Variants in ANKRD44 observed in about 807,000 individuals in gnomAD.
ANKRD44 encodes the protein serine/threonine-protein phosphatase 6 regulatory ankyrin repeat subunit B.
Under a neutral mutation model 116.0 loss-of-function variants are expected in ANKRD44, and 35 were observed. That is an observed-to-expected ratio of 0.30 (90% CI 0.23 to 0.40). ANKRD44 has a LOEUF of 0.40. Among genes scored for constraint, ANKRD44 ranks in the 10% least tolerant of loss-of-function variants. The pLI, the probability that ANKRD44 is intolerant of heterozygous loss-of-function variation, is 1.00. For synonymous variants in ANKRD44, 435 were observed against 461.8 expected (o/e 0.94, Z 0.74); for missense variants, 1,014 against 1,242.6 (o/e 0.82, Z 2.77).
At chr2:197,080,322 A>G (rs937263688) in intron 15 of ANKRD44, among the ~76,000 whole-genome samples, 4 of 152,132 alleles carry the variant, frequency 2.6e-5, no homozygotes, top group African/African-American at 9.7e-5. Context: ...GGGAATGCCT[A>G]GTTTTTTTCT....
At chr2:196,979,825 G>C (rs1221900864) in intron 21 of ANKRD44, among the ~76,000 whole-genome samples, 2 of 151,860 alleles carry the variant, frequency 1.3e-5, no homozygotes, top group African/African-American at 4.8e-5. Flanking sequence ...GCCTCCCAAA[G>C]TGCTGGGATT....
At chr2:197,084,910 G>A (rs1053515509) in intron 13 of ANKRD44, among the ~76,000 whole-genome samples, 2 of 152,132 alleles carry the variant, frequency 1.3e-5, no homozygotes, top group African/African-American at 4.8e-5. Context: ...AAATCATTTA[G>A]TTTCTTTGGA....
At chr2:197,263,217 T>G in intron 1 of ANKRD44, 1 of 502,276 alleles carries the variant, frequency 2.0e-6, no homozygotes, top group Non-Finnish European at 3.7e-6. Context: ...CCAGAGACAC[T>G]GACAGGTGAG....
At chr2:197,216,545 T>G (rs2081446572) in intron 1 of ANKRD44, among the ~76,000 whole-genome samples, 2 of 152,284 alleles carry the variant, frequency 1.3e-5, no homozygotes, top group South Asian at 4.1e-4. Flanking sequence ...TCAGCAGGGC[T>G]GGGTGCATTA....
chr2:196,982,111 TATA>T (rs1559392596), downstream of ANKRD44, among the ~76,000 whole-genome samples: 29 of 140,812 alleles, frequency 2.1e-4, no homozygotes, highest in South Asian at 2.3e-3. Flanking sequence ...AAAAAAATTA[TATA>T]TATATATATA....
intron 1 of ANKRD44, among the ~76,000 whole-genome samples, chr2:197,275,599 G>A (rs540269024): frequency 2.0e-4 from 31 of 152,104 alleles, no homozygotes; most frequent in Non-Finnish European, 3.4e-4. Flanking sequence ...GGACCACAAG[G>A]GCTCTGTACT....
intron 9 of ANKRD44, among the ~76,000 whole-genome samples, chr2:197,101,200 A>G (rs1352758265): frequency 6.6e-6 from 1 of 150,566 alleles, no homozygotes; most frequent in Non-Finnish European, 1.5e-5. Flanking sequence ...ATGTCTCTTT[A>G]GTTTCTGTTA....
At chr2:197,066,327 A>C (rs1003632504) in intron 16 of ANKRD44, among the ~76,000 whole-genome samples, 1 of 152,216 alleles carries the variant, frequency 6.6e-6, no homozygotes, top group Non-Finnish European at 1.5e-5. Context: ...ACCCACAGCC[A>C]ATATCATACT....
intron 1 of ANKRD44, among the ~76,000 whole-genome samples, chr2:197,195,278 C>G (rs2125635471): frequency 6.6e-6 from 1 of 152,240 alleles, no homozygotes; most frequent in Non-Finnish European, 1.5e-5. Flanking sequence ...CTGTACCCAG[C>G]CTTTACCTAA....
Position 197,110,781 on chromosome 2 carries a change from T to C in ANKRD44, c.970A>G (p.Thr324Ala), listed in dbSNP as rs778079842. The change falls in exon 9 of 28, where the codon ACC (threonine) becomes GCC (alanine). Residue 324 changes from threonine (T) to alanine (A), a missense_variant. Physicochemically the swap from Thr to Ala is moderately conservative, Grantham distance 58 (BLOSUM62 0). Coordinates refer to ENST00000282272, the MANE Select transcript of ANKRD44 (RefSeq NM_001195144.2). ...AVHGRFTRSQ[T>A]LIQNGGEIDC... The stretch of plus-strand genomic sequence containing the variant: ...TCTCTCTTACCATTCTGAATGAGGG[T>C]CTGTGACCGTGTGAACCTTCCATGG... The C allele has an allele frequency of 6.2e-7, 1 of 1,613,336 alleles. No individual in the cohort carries two copies. Among genetic ancestry groups the C allele is most frequent in the East Asian group, 2.2e-5 (1 of 44,866 alleles).
intron 9 of ANKRD44, among the ~76,000 whole-genome samples, chr2:197,101,889 T>G (rs2078301646): frequency 6.6e-6 from 1 of 152,186 alleles, no homozygotes; most frequent in Non-Finnish European, 1.5e-5. Flanking sequence ...TTTTACTGGG[T>G]TTTATTTTAT....
At chr2:197,237,072 C>T (rs946228527) in intron 1 of ANKRD44, among the ~76,000 whole-genome samples, 2 of 152,166 alleles carry the variant, frequency 1.3e-5, no homozygotes, top group African/African-American at 2.4e-5. Flanking sequence ...AGCATAGACT[C>T]GTTTTTAGAG....
At chr2:197,148,188 C>T (rs778282204) in intron 2 of ANKRD44, among the ~76,000 whole-genome samples, 2 of 152,202 alleles carry the variant, frequency 1.3e-5, no homozygotes, top group African/African-American at 4.8e-5. Flanking sequence ...GTGCTCCATA[C>T]GAAGCCCATT....
intron 1 of ANKRD44, among the ~76,000 whole-genome samples, chr2:197,307,021 C>T (rs749768630): frequency 7.9e-5 from 12 of 152,056 alleles, no homozygotes; most frequent in Non-Finnish European, 1.2e-4. Context: ...AAATAAATTT[C>T]GGGTAGAGAT....
At chr2:197,051,802 A>T (rs1574355641) in intron 16 of ANKRD44, among the ~76,000 whole-genome samples, 1 of 152,140 alleles carries the variant, frequency 6.6e-6, no homozygotes, top group East Asian at 1.9e-4. Flanking sequence ...TGTCTGGAGT[A>T]AAAACGTTAA....
rs549572420 is a variant in ANKRD44 at position 197,107,453 on chromosome 2, G to A, written c.985+3313C>T. On this transcript the variant is annotated intron_variant, in intron 9 of 27. Coordinates refer to ENST00000282272, the MANE Select transcript of ANKRD44 (RefSeq NM_001195144.2). ...CTATTGCTGTGACAACACAGCTTCA[G>A]ACAACAAACAATGTGATTGGATAGC... Among the ~76,000 whole-genome samples the A allele has an allele frequency of 3.3e-5, 5 of 152,186 alleles. No individual in the cohort carries two copies. In the South Asian group the frequency reaches 1.0e-3, roughly 32 times the overall value.
At chr2:197,000,956 T>C (rs2076103069) in intron 22 of ANKRD44, among the ~76,000 whole-genome samples, 1 of 152,232 alleles carries the variant, frequency 6.6e-6, no homozygotes, top group African/African-American at 2.4e-5. Flanking sequence ...GAGAATTGCT[T>C]GAACCCGGGA....
intron 25 of ANKRD44, among the ~76,000 whole-genome samples, chr2:196,996,087 C>T (rs1041037631): frequency 2.6e-5 from 4 of 152,106 alleles, no homozygotes; most frequent in Non-Finnish European, 5.9e-5. Context: ...GCCTGGTACC[C>T]TTTTAAGGGG....
intron 9 of ANKRD44, among the ~76,000 whole-genome samples, chr2:197,107,729 G>A (rs1436196215): frequency 6.6e-6 from 1 of 152,212 alleles, no homozygotes; most frequent in East Asian, 1.9e-4. Context: ...GTGCCCATGT[G>A]GTCCTGGAGG....
Sources: allele counts gnomAD v4.1 joint callset (sites outside exome capture counted in the v4.1 genomes callset), GRCh38; gene constraint gnomAD v4.1.1; transcripts MANE v1.5; gene names NCBI Gene and HGNC (gene_info 2026-07-23, HGNC 2026-07-21).